Variants in FGF14 observed in about 807,000 individuals in gnomAD.
FGF14 encodes fibroblast growth factor homologous factor 4.
In FGF14, 5 loss-of-function variants were observed where a neutral mutation model predicts 25.5. That is an observed-to-expected ratio of 0.20 (90% confidence interval 0.10 to 0.41). FGF14 has a LOEUF of 0.41. FGF14 is among the 10% of genes least tolerant of loss of function. The pLI, the probability that FGF14 is intolerant of heterozygous loss-of-function variation, is 1.00. For missense variants in FGF14, 222 were observed against 320.1 expected (o/e 0.69, Z 2.34); for synonymous variants, 138 against 118.3 (o/e 1.17, Z -1.08).
chr13:101,809,629 C>T (rs902352104), intron 3 of FGF14, among the ~76,000 whole-genome samples: 2 of 152,036 alleles, frequency 1.3e-5, no homozygotes, highest in African/African-American at 4.8e-5. Flanking sequence ...CACTCTGGAT[C>T]TAGGGCAAAA....
intron 1 of FGF14, among the ~76,000 whole-genome samples, chr13:102,106,127 T>C (rs1057087255): frequency 6.6e-6 from 1 of 152,156 alleles, no homozygotes; most frequent in Non-Finnish European, 1.5e-5. Flanking sequence ...CAGATAAACA[T>C]ATTTATTTTA....
At chr13:101,732,624 A>G (rs2035886352) in intron 3 of FGF14, among the ~76,000 whole-genome samples, 1 of 152,148 alleles carries the variant, frequency 6.6e-6, no homozygotes, top group African/African-American at 2.4e-5. Flanking sequence ...TACTTTGAGT[A>G]TAATATTAAA....
intron 1 of FGF14, among the ~76,000 whole-genome samples, chr13:102,139,250 A>G (rs1254334344): frequency 9.2e-6 from 1 of 108,676 alleles, no homozygotes; most frequent in Non-Finnish European, 2.3e-5. Context: ...AGAAAATACC[A>G]CTAGCCAGGC....
chr13:102,200,958 C>T (rs908435835), intron 1 of FGF14, among the ~76,000 whole-genome samples: 2 of 151,730 alleles, frequency 1.3e-5, no homozygotes, highest in African/African-American at 4.8e-5. Flanking sequence ...AAAAATTAGC[C>T]AGGCGTGGTG....
At chr13:101,956,026 CAGAG>C (rs2036493061) in intron 1 of FGF14, among the ~76,000 whole-genome samples, 1 of 152,140 alleles carries the variant, frequency 6.6e-6, no homozygotes, top group African/African-American at 2.4e-5. Context: ...GGTGAAGACT[CAGAG>C]AGAAATATAA....
At chr13:101,785,780 A>G (rs943461266) in intron 3 of FGF14, among the ~76,000 whole-genome samples, 1 of 152,146 alleles carries the variant, frequency 6.6e-6, no homozygotes, top group Non-Finnish European at 1.5e-5. Context: ...GGATAGAGAG[A>G]ATCAAGTGTA....
At chr13:101,739,904 C>T (rs1171145577) in intron 3 of FGF14, among the ~76,000 whole-genome samples, 2 of 152,212 alleles carry the variant, frequency 1.3e-5, no homozygotes, top group Non-Finnish European at 2.9e-5. Context: ...TAAAAATCAA[C>T]TTAGAACCCT....
intron 1 of FGF14, among the ~76,000 whole-genome samples, chr13:102,124,419 G>A (rs1175944488): frequency 6.6e-6 from 1 of 151,972 alleles, no homozygotes; most frequent in Admixed American, 6.6e-5. Flanking sequence ...GCCATAGTGG[G>A]GTTCTGTTAC....
chr13:102,395,425 G>C (rs1320548160), intron 1 of FGF14: 1 of 152,188 alleles, frequency 6.6e-6, no homozygotes, highest in African/African-American at 2.4e-5. Flanking sequence ...GTGAACAGTA[G>C]ACTACAGGCC....
rs144866868 is a variant in FGF14, at chr13:101,820,403, A to C, written c.408+48322T>G. 5.0e-3 allele frequency among the ~76,000 whole-genome samples: 757 copies of C among 152,310 alleles called. 5 individuals are homozygous for C. Among genetic ancestry groups the C allele is most frequent in the Non-Finnish European group, 7.7e-3 (526 of 68,034 alleles). On this transcript the variant is annotated intron_variant, in intron 3 of 4. Coordinates refer to ENST00000376143, the MANE Select transcript of FGF14 (RefSeq NM_004115.4). ...TAAAATAAACGTTGGCTGATAACAA[A>C]ATTAAAATTGTGAAATCAGACTAAA...
intron 1 of FGF14, among the ~76,000 whole-genome samples, chr13:101,954,090 A>C (rs1216643020): frequency 6.6e-6 from 1 of 152,328 alleles, no homozygotes. Context: ...ATTTTTGAAG[A>C]AGCAGGTAAA....
intron 3 of FGF14, among the ~76,000 whole-genome samples, chr13:101,851,678 CTCG>C (rs1384372955): frequency 5.9e-5 from 9 of 152,092 alleles, no homozygotes; most frequent in South Asian, 2.1e-4. Context: ...TCTCCTCCTC[CTCG>C]TCGTCTTCAT....
intron 1 of FGF14, among the ~76,000 whole-genome samples, chr13:102,320,946 A>T (rs1254916311): frequency 6.6e-6 from 1 of 152,200 alleles, no homozygotes; most frequent in African/African-American, 2.4e-5. Flanking sequence ...TAGGACCAGT[A>T]TGGCTATACT....
chr13:101,793,283 A>G (rs560131278), intron 3 of FGF14, among the ~76,000 whole-genome samples: 13 of 152,268 alleles, frequency 8.5e-5, no homozygotes, highest in Middle Eastern at 3.4e-3. Flanking sequence ...CATTCCACAT[A>G]TAAGTTATAA....
At position 101,970,146 on chromosome 13, in the gene FGF14, G is replaced by A. The variant is rs967464548; in HGVS notation, c.209-94850C>T. Among the ~76,000 whole-genome samples, 11 of 152,206 alleles carry A rather than the reference G, an allele frequency of 7.2e-5. 1 individual carries two copies. The highest frequency in any genetic ancestry group is 6.2e-4 in the South Asian group (3 of 4,834). ...CATATTTTGAAGATGAGGGGACTGA[G>A]GCTCAGAGAGGCTGAATATTTTTCG... On this transcript the variant is annotated intron_variant, in intron 1 of 4. Coordinates refer to the FGF14 transcript ENST00000376131.
At chr13:102,286,527 T>C (rs988495695) in intron 1 of FGF14, among the ~76,000 whole-genome samples, 9 of 152,244 alleles carry the variant, frequency 5.9e-5, no homozygotes, top group Non-Finnish European at 1.0e-4. Flanking sequence ...TCTCTCTATG[T>C]ATAAGTATTG....
At chr13:101,785,770 G>A (rs1471435602) in intron 3 of FGF14, among the ~76,000 whole-genome samples, 6 of 151,956 alleles carry the variant, frequency 3.9e-5, no homozygotes, top group African/African-American at 1.5e-4. Flanking sequence ...CTTTTCTACG[G>A]GATAGAGAGA....
intron 1 of FGF14, among the ~76,000 whole-genome samples, chr13:101,896,653 T>C (rs907993810): frequency 3.9e-5 from 6 of 152,176 alleles, no homozygotes; most frequent in African/African-American, 1.4e-4. Flanking sequence ...ATATAATAGA[T>C]CCTTTCCTAC....
chr13:101,751,876 AT>A (rs145143646), intron 3 of FGF14, among the ~76,000 whole-genome samples: 5,506 of 152,160 alleles, frequency 0.036, 263 homozygotes, highest in African/African-American at 0.1. Context: ...TATAAAAAAA[AT>A]AATGCTGAGA....
Sources: allele counts gnomAD v4.1 joint callset (sites outside exome capture counted in the v4.1 genomes callset), GRCh38; gene constraint gnomAD v4.1.1; transcripts MANE v1.5; gene names NCBI Gene and HGNC (gene_info 2026-07-23, HGNC 2026-07-21).